Variants in PCDHA5 observed in about 807,000 individuals in gnomAD.
The protein encoded by PCDHA5 is protocadherin alpha 5.
A neutral mutation model predicts 61.6 loss-of-function variants in PCDHA5; 43 were observed. The ratio of observed to expected loss-of-function variants is 0.70; its 90% CI spans 0.55 to 0.90. The LOEUF is 0.90. Among genes scored for constraint, PCDHA5 ranks in the 40% least tolerant of loss-of-function variants. PCDHA5 has a pLI of 0.00. For synonymous variants in PCDHA5, 627 were observed against 543.9 expected, an observed-to-expected ratio of 1.15 and a Z score of -2.13; for missense variants, 1,298 against 1,222.7, an observed-to-expected ratio of 1.06 and a Z score of -0.92.
chr5:140,917,746 G>T (rs1200600528), intron 1 of PCDHA5, among the ~76,000 whole-genome samples: 2 of 152,122 alleles, frequency 1.3e-5, no homozygotes, highest in Non-Finnish European at 2.9e-5. Context: ...CTGTCCCATT[G>T]GTCTATGTGT....
At chr5:140,953,135 G>C (rs1331167155) in intron 1 of PCDHA5, among the ~76,000 whole-genome samples, 2 of 152,126 alleles carry the variant, frequency 1.3e-5, no homozygotes, top group Non-Finnish European at 2.9e-5. Flanking sequence ...CCGTATCACT[G>C]TTATATTTCT....
At chr5:140,876,753 G>A in intron 1 of PCDHA5, 2 of 1,614,246 alleles carry the variant, frequency 1.2e-6, no homozygotes, top group Non-Finnish European at 1.7e-6. Flanking sequence ...TGGTGACTGC[G>A]CGGGATGGGG....
intron 1 of PCDHA5, chr5:140,869,370 G>A: frequency 6.2e-7 from 1 of 1,614,138 alleles, no homozygotes; most frequent in South Asian, 1.1e-5. Flanking sequence ...TGAATTCTCG[G>A]ATCGACCGCG....
chr5:140,950,581 C>T (rs1158445917), intron 1 of PCDHA5, among the ~76,000 whole-genome samples: 2 of 151,860 alleles, frequency 1.3e-5, no homozygotes, highest in Non-Finnish European at 2.9e-5. Flanking sequence ...TTCTACTTAC[C>T]TTTGGTTTAG....
At chr5:140,938,535 T>C (rs1213072173) in intron 1 of PCDHA5, among the ~76,000 whole-genome samples, 2 of 140,516 alleles carry the variant, frequency 1.4e-5, no homozygotes, top group African/African-American at 2.6e-5. Flanking sequence ...ATGGATAATA[T>C]GGATTTTTAT....
chr5:140,946,807 A>G (rs1333101378), intron 1 of PCDHA5, among the ~76,000 whole-genome samples: 3 of 151,418 alleles, frequency 2.0e-5, no homozygotes, highest in Non-Finnish European at 4.4e-5. Context: ...CAGAGAGTAT[A>G]ACAGTGATTA....
intron 1 of PCDHA5, chr5:140,869,322 C>G (rs1169893950): frequency 6.2e-7 from 1 of 1,613,820 alleles, no homozygotes; most frequent in Admixed American, 1.7e-5. Flanking sequence ...CACATGGGGA[C>G]CTTCTGGAGG....
At chr5:140,835,975 T>C (rs2150249411) in intron 1 of PCDHA5, 4 of 1,613,318 alleles carry the variant, frequency 2.5e-6, no homozygotes, top group Non-Finnish European at 3.4e-6. Context: ...CTGGAGCTGT[T>C]GCAGTTCCAG....
In PCDHA5 at chr5:140,845,842, G is replaced by A. The variant is rs2150381678; in HGVS notation, c.2352+21715G>A. On this transcript the variant is annotated intron_variant, in intron 1 of 3. Coordinates refer to ENST00000529859, the MANE Select transcript of PCDHA5 (RefSeq NM_018908.3). ...AATTTAGTTATTACCATTCTTAAGA[G>A]AAAAGAAGTTAGTGATTGCAGAAAG... Among the ~76,000 whole-genome samples the A allele has an allele frequency of 1.1e-4, 17 of 149,848 alleles. 1 individual carries two copies. Among genetic ancestry groups the A allele is most frequent in the African/African-American group, 4.1e-4 (17 of 40,984 alleles).
chr5:140,866,332 C>T (rs907104560), intron 1 of PCDHA5: 2 of 152,020 alleles, frequency 1.3e-5, no homozygotes, highest in Non-Finnish European at 2.9e-5. Flanking sequence ...CTGAACTTGG[C>T]CAAAGGATTC....
intron 1 of PCDHA5, among the ~76,000 whole-genome samples, chr5:140,944,406 C>T (rs1003379783): frequency 2.0e-5 from 3 of 152,084 alleles, no homozygotes; most frequent in Non-Finnish European, 2.9e-5. Flanking sequence ...AGGCTGGTCT[C>T]GAACTCCTGA....
intron 1 of PCDHA5, among the ~76,000 whole-genome samples, chr5:140,892,180 T>C (rs1176959692): frequency 6.6e-6 from 1 of 152,224 alleles, no homozygotes; most frequent in African/African-American, 2.4e-5. Context: ...GGGATCCTCA[T>C]GGGTCTATTC....
chr5:140,830,566 T>C (rs1771135529), intron 1 of PCDHA5: 2 of 961,386 alleles, frequency 2.1e-6, no homozygotes, highest in South Asian at 6.5e-5. Context: ...TCTATATTTC[T>C]GTTTTTAATT....
intron 1 of PCDHA5, among the ~76,000 whole-genome samples, chr5:140,924,976 C>T (rs1376073492): frequency 6.6e-6 from 1 of 151,048 alleles, no homozygotes; most frequent in Non-Finnish European, 1.5e-5. Context: ...TGCAGTGGCT[C>T]ATGTCTGTAA....
intron 1 of PCDHA5, chr5:140,966,615 G>C (rs1423136904): frequency 3.9e-6 from 3 of 773,600 alleles, no homozygotes; most frequent in Non-Finnish European, 5.6e-6. Flanking sequence ...GAGGGCCTAC[G>C]GAGGGAGCGG....
chr5:140,857,073 A>G (rs782238591), intron 1 of PCDHA5: 1 of 1,596,904 alleles, frequency 6.3e-7, no homozygotes, highest in East Asian at 2.2e-5. Context: ...CTACTGGATG[A>G]AAATGATAAT....
intron 1 of PCDHA5, among the ~76,000 whole-genome samples, chr5:140,965,088 G>A (rs1390840466): frequency 4.6e-5 from 7 of 152,196 alleles, no homozygotes; most frequent in Non-Finnish European, 8.8e-5. Context: ...CTTTGTTCCA[G>A]TCCATAGCTA....
intron 1 of PCDHA5, among the ~76,000 whole-genome samples, chr5:140,937,039 CTTTT>C (rs34994034): frequency 1.4e-5 from 2 of 140,156 alleles, no homozygotes; most frequent in African/African-American, 2.6e-5. Flanking sequence ...TTCCATTTAT[CTTTT>C]TTTTTTTTTT....
intron 1 of PCDHA5, chr5:140,865,997 T>C (rs990195272): frequency 2.6e-5 from 4 of 152,210 alleles, no homozygotes; most frequent in Admixed American, 6.5e-5. Context: ...AGTTTTTTTA[T>C]GTTAAGTGAT....
Sources: gnomAD v4.1 joint callset for allele counts (sites outside exome capture counted in the v4.1 genomes callset) on GRCh38, gnomAD v4.1.1 for gene constraint, MANE v1.5 for transcripts, NCBI Gene and HGNC (gene_info 2026-07-23, HGNC 2026-07-21) for gene names.